Variants in THADA observed in about 807,000 individuals in gnomAD.
The protein encoded by THADA is THADA armadillo repeat containing.
Under a neutral mutation model 219.8 loss-of-function variants are expected in THADA, and 213 were observed. The observed-to-expected ratio is 0.97, with a 90% CI of 0.87 to 1.09. The LOEUF (loss-of-function observed/expected upper bound fraction) is 1.09, where lower values mean the gene tolerates loss of function less well. THADA is among the 50% of genes least tolerant of loss of function. The probability of loss-of-function intolerance (pLI) is 0.00; values close to 1 mark genes in which losing one functional copy is unlikely to be tolerated. For synonymous variants in THADA, 1,018 were observed against 828.9 expected, an observed-to-expected ratio of 1.23 and a Z score of -3.92; for missense variants, 2,956 against 2,311.3, an observed-to-expected ratio of 1.28 and a Z score of -5.72.
At chr2:43,379,429 T>A (rs1452219042) in intron 29 of THADA, among the ~76,000 whole-genome samples, 2 of 152,148 alleles carry the variant, frequency 1.3e-5, no homozygotes, top group African/African-American at 4.8e-5. Context: ...TCAGGAATCA[T>A]AATTAATGTA....
rs539798216 is a variant in THADA, at chr2:43,400,457, T to TTATATATATA, written c.4059-2328_4059-2319dup. On this transcript the variant is annotated intron_variant, in intron 28 of 37. Transcript: ENST00000405975. ...TGGAAAGATTAGATCATAGACAAAT[T>TTATATATATA]TATATATATATATATATATAAATAT... Among the ~76,000 whole-genome samples the TTATATATATA allele has an allele frequency of 2.3e-3, 203 of 89,902 alleles. 6 individuals carry two copies. The highest frequency in any genetic ancestry group is 2.9e-3 in the South Asian group (7 of 2,434). The allele number at this position is 89,902 out of a possible 152,430, so 59.0% of individuals were successfully genotyped here. A position where few individuals can be genotyped will look rare whatever the true frequency, so the allele number is the denominator to read the frequency against.
At chr2:43,569,560 A>G (rs1699070284) in intron 14 of THADA, among the ~76,000 whole-genome samples, 1 of 152,096 alleles carries the variant, frequency 6.6e-6, no homozygotes, top group African/African-American at 2.4e-5. Context: ...AGCTAATTTT[A>G]CCCTTTGTAT....
intron 20 of THADA, among the ~76,000 whole-genome samples, chr2:43,542,556 A>G (rs1695463683): frequency 6.6e-6 from 1 of 152,200 alleles, no homozygotes; most frequent in Non-Finnish European, 1.5e-5. Flanking sequence ...ATTCAGTAAC[A>G]ACTAATGATC....
intron 28 of THADA, among the ~76,000 whole-genome samples, chr2:43,424,197 T>C (rs1268331709): frequency 6.6e-6 from 1 of 152,206 alleles, no homozygotes; most frequent in African/African-American, 2.4e-5. Context: ...AAACTACATA[T>C]AATACTTATA....
At chr2:43,420,919 C>T (rs566456202) in intron 28 of THADA, among the ~76,000 whole-genome samples, 1 of 152,168 alleles carries the variant, frequency 6.6e-6, no homozygotes, top group South Asian at 2.1e-4. Flanking sequence ...AAATAAAGTG[C>T]TAGGCACAGT....
chr2:43,505,651 T>C lies in THADA; in HGVS notation c.3592A>G (p.Thr1198Ala). 3.8e-6 allele frequency: 6 copies of C among 1,597,320 alleles called. No homozygotes were observed. Among genetic ancestry groups the C allele is most frequent in the Non-Finnish European group, 3.4e-6 (4 of 1,170,708 alleles). Residue 1198 changes from threonine (T) to alanine (A), a missense_variant, in exon 24 of 38, where the codon ACA (threonine) becomes GCA (alanine). Thr to Ala is a moderately conservative substitution (Grantham distance 58). Coordinates refer to ENST00000405975, the MANE Select transcript of THADA (RefSeq NM_022065.5). ...MKELISLAGP[T>A]DDIQSTVPQV... ...GGGACTGTACTCTGTATGTCATCTG[T>C]AGGCCCAGCCAAAGAGATTAACTCT...
chr2:43,574,543 G>T lies in THADA; in HGVS notation c.1522C>A (p.His508Asn). ...CTCTCAGCAGTCTGGGATTTCAAAT[G>T]ACTCTTATGATTTCTAAACATGGTT... Reference protein sequence around the residue: ...LETMFRNHKSHLKSQTAESSW... With the variant: ...LETMFRNHKSNLKSQTAESSW... The change falls in exon 11 of 38, where the codon CAT (histidine) becomes AAT (asparagine). Residue 508 changes from histidine to asparagine, a missense_variant. Physicochemically the swap from His to Asn is moderately conservative, Grantham distance 68 (BLOSUM62 1). Transcript: ENST00000405975. The T allele has an allele frequency of 6.2e-7, 1 of 1,613,966 alleles. No individual in the cohort carries two copies. The highest frequency in any genetic ancestry group is 8.5e-7 in the Non-Finnish European group (1 of 1,179,882).
chr2:43,292,064 A>G, intron 33 of THADA, 40 bp downstream of exon 33: 1 of 1,361,896 alleles, frequency 7.3e-7, no homozygotes, highest in South Asian at 1.3e-5. Context: ...ATGGGACCAT[A>G]CATCTTACCA....
chr2:43,301,900 A>G (rs983662911), intron 31 of THADA, among the ~76,000 whole-genome samples: 2 of 152,192 alleles, frequency 1.3e-5, no homozygotes, highest in African/African-American at 4.8e-5. Context: ...TGCCATAAAG[A>G]GTCTAGATGA....
intron 29 of THADA, among the ~76,000 whole-genome samples, chr2:43,346,335 C>T (rs1278488027): frequency 6.6e-6 from 1 of 152,142 alleles, no homozygotes; most frequent in Non-Finnish European, 1.5e-5. Flanking sequence ...ATGAGACCAT[C>T]CTTTGGCATG....
At chr2:43,564,558 A>G (rs765722141) in intron 15 of THADA, 12 of 152,246 alleles carry the variant, frequency 7.9e-5, no homozygotes, top group East Asian at 1.9e-4. Context: ...ATCTCACCTC[A>G]AGATCCTAAA....
At position 43,556,641 on chromosome 2, in the gene THADA, G is replaced by C. The variant is rs976741326; in HGVS notation, c.2464-86C>G. ...AGTAAATTTTTTAAAACACAGCCTGGAGCTGAGTACAGTGGGCTCGAGCCT... is the reference window on the plus strand; with the variant it reads ...AGTAAATTTTTTAAAACACAGCCTGCAGCTGAGTACAGTGGGCTCGAGCCT... On this transcript the variant is annotated intron_variant, in intron 16 of 37. Coordinates refer to ENST00000405975, the MANE Select transcript of THADA (RefSeq NM_022065.5). 1.3e-5 allele frequency: 17 copies of C among 1,306,354 alleles called. No individual in the cohort carries two copies. In the African/African-American group the frequency reaches 2.1e-4, roughly 16 times the overall value. 80.9% of individuals were successfully genotyped at this position (1,306,354 alleles called of 1,614,324 possible).
intron 22 of THADA, among the ~76,000 whole-genome samples, chr2:43,514,126 A>G (rs1286211321): frequency 2.6e-5 from 4 of 151,828 alleles, no homozygotes; most frequent in Non-Finnish European, 5.9e-5. Flanking sequence ...AAGAACAGGC[A>G]TGTATAAAAA....
At chr2:43,507,233 G>A (rs940761728) in intron 23 of THADA, among the ~76,000 whole-genome samples, 2 of 152,102 alleles carry the variant, frequency 1.3e-5, no homozygotes, top group Admixed American at 6.6e-5. Flanking sequence ...AGGGAACCAC[G>A]GCTTTTTTCT....
At chr2:43,497,778 G>A (rs981088911) in intron 25 of THADA, among the ~76,000 whole-genome samples, 8 of 152,096 alleles carry the variant, frequency 5.3e-5, no homozygotes, top group Non-Finnish European at 7.4e-5. Context: ...CCAGCTACTC[G>A]GGAGGCTGAG....
intron 21 of THADA, among the ~76,000 whole-genome samples, chr2:43,535,166 TC>T (rs1450968890): frequency 1.4e-5 from 2 of 147,024 alleles, no homozygotes; most frequent in South Asian, 2.2e-4. Context: ...AGATCATTTG[TC>T]CTTTTTTTTT....
Position 43,288,130 on chromosome 2 carries a change from A to G in THADA, c.5011-1069T>C, listed in dbSNP as rs185047777. On this transcript the variant is annotated intron_variant, in intron 34 of 37. Transcript: ENST00000405975. The stretch of plus-strand genomic sequence containing the variant: ...GTTTCTATTACAACATTTAAAACAG[A>G]ATCACAGGCCGGGCACAGTGGCTCA... Among the ~76,000 whole-genome samples the G allele has an allele frequency of 1.2e-3, 185 of 152,374 alleles. 1 individual carries two copies. In the Middle Eastern group the frequency reaches 0.014, roughly 11 times the overall value.
chr2:43,464,180 A>T lies in THADA; in HGVS notation c.3836+21054T>A, dbSNP rs995287782. 1.0e-3 allele frequency among the ~76,000 whole-genome samples: 156 copies of T among 152,300 alleles called. 1 individual carries two copies. The highest frequency in any genetic ancestry group is 3.6e-3 in the African/African-American group (149 of 41,562). ...ACCTACTCCCATCCCAGTGGGTAAAACCAAAAATGTCAGCCTATGTTTCTC... is the reference window on the plus strand; with the variant it reads ...ACCTACTCCCATCCCAGTGGGTAAATCCAAAAATGTCAGCCTATGTTTCTC... On this transcript the variant is annotated intron_variant, in intron 26 of 37. Coordinates refer to ENST00000405975, the MANE Select transcript of THADA (RefSeq NM_022065.5).
intron 22 of THADA, among the ~76,000 whole-genome samples, chr2:43,526,955 A>G (rs1050297032): frequency 6.6e-6 from 1 of 152,252 alleles, no homozygotes; most frequent in Admixed American, 6.5e-5. Flanking sequence ...CACTGGAAAC[A>G]AAAAGTTGAA....
Sources: gnomAD v4.1 joint callset for allele counts (sites outside exome capture counted in the v4.1 genomes callset) on GRCh38, gnomAD v4.1.1 for gene constraint, MANE v1.5 for transcripts, NCBI Gene and HGNC (gene_info 2026-07-23, HGNC 2026-07-21) for gene names.